Variants in FHDC1 observed in about 807,000 individuals in gnomAD.
The protein encoded by FHDC1 is FH2 domain-containing protein 1.
Under a neutral mutation model 52.6 loss-of-function variants are expected in FHDC1, and 25 were observed. The observed-to-expected ratio is 0.48, with a 90% CI of 0.35 to 0.66. The LOEUF (loss-of-function observed/expected upper bound fraction) is 0.66. Among genes scored for constraint, FHDC1 ranks in the 30% least tolerant of loss-of-function variants. FHDC1 has a pLI of 0.01. For synonymous variants in FHDC1, 616 were observed against 581.5 expected (o/e 1.06, Z -0.85); for missense variants, 1,459 against 1,452.8 (o/e 1.00, Z -0.07).
Position 152,956,631 on chromosome 4 carries a change from A to G in FHDC1, c.663+2312A>G, listed in dbSNP as rs1478419185. Among the ~76,000 whole-genome samples, 3 of 152,152 alleles carry G rather than the reference A, an allele frequency of 2.0e-5. No homozygotes were observed. The East Asian group carries it at 5.8e-4, about 29-fold the overall frequency. On this transcript the variant is annotated intron_variant, in intron 4 of 11. Transcript: ENST00000511601. ...TGCCTTGAATCCCCGAGACTCTGTC[A>G]CCCCCAGTTAGCTAACCCGGGAGAT...
chr4:152,925,944 A>C, the FHDC1 span, among the ~76,000 whole-genome samples: 4 of 152,188 alleles, frequency 2.6e-5, no homozygotes, highest in South Asian at 8.3e-4. Flanking sequence ...AACATAATAC[A>C]AAAGCAAGGA....
chr4:152,974,633 C>T, intron 11 of FHDC1, 42 bp from the exon 12 acceptor site: 1 of 1,498,148 alleles, frequency 6.7e-7, no homozygotes, highest in South Asian at 1.4e-5. Flanking sequence ...CACATTGGTC[C>T]CACATGTCTC....
chr4:152,963,708 C>G (rs181832815), intron 8 of FHDC1, among the ~76,000 whole-genome samples: 5 of 146,744 alleles, frequency 3.4e-5, no homozygotes, highest in East Asian at 2.1e-4. Context: ...CTCCGTGAAC[C>G]ATGCATTTGA....
chr4:152,949,084 G>A (rs2149941922), intron 2 of FHDC1, among the ~76,000 whole-genome samples: 1 of 138,330 alleles, frequency 7.2e-6, no homozygotes, highest in South Asian at 2.3e-4. Flanking sequence ...GCAAAACCTT[G>A]TCTCAGTAAT....
At chr4:152,944,911 C>T (rs1440008927) in intron 2 of FHDC1, among the ~76,000 whole-genome samples, 2 of 152,190 alleles carry the variant, frequency 1.3e-5, no homozygotes, top group Non-Finnish European at 2.9e-5. Context: ...CAGCTCCCAA[C>T]AGAGGTTCTT....
chr4:152,914,244 C>A, the FHDC1 span, among the ~76,000 whole-genome samples: 1 of 152,134 alleles, frequency 6.6e-6, no homozygotes, highest in African/African-American at 2.4e-5. Context: ...GTTCTATGTT[C>A]CCACTTGAAG....
At chr4:152,927,335 A>C in the FHDC1 span, 1 of 687,682 alleles carries the variant, frequency 1.5e-6, no homozygotes, top group Non-Finnish European at 2.6e-6. Context: ...ACCTCCACTC[A>C]GAATCCCGTT....
At chr4:152,942,201 A>G (rs1043440122) in intron 1 of FHDC1, among the ~76,000 whole-genome samples, 1 of 152,212 alleles carries the variant, frequency 6.6e-6, no homozygotes, top group African/African-American at 2.4e-5. Flanking sequence ...AGAATCTAAG[A>G]TGATAGAGGT....
At chr4:152,950,206 G>T (rs1739882364) in intron 2 of FHDC1, among the ~76,000 whole-genome samples, 1 of 152,160 alleles carries the variant, frequency 6.6e-6, no homozygotes, top group Non-Finnish European at 1.5e-5. Flanking sequence ...CTTTGTTTCT[G>T]AATGGCCCAG....
At chr4:152,952,065 T>C (rs1008135643) in intron 2 of FHDC1, among the ~76,000 whole-genome samples, 1 of 152,188 alleles carries the variant, frequency 6.6e-6, no homozygotes, top group Non-Finnish European at 1.5e-5. Flanking sequence ...AAGTATCTTA[T>C]CCTTGGTGAA....
the FHDC1 span, chr4:152,927,815 A>G: frequency 4.9e-6 from 7 of 1,435,362 alleles, no homozygotes; most frequent in Non-Finnish European, 6.9e-6. Context: ...GAAGGTTGGA[A>G]TTTCTCAAGA....
At chr4:152,945,328 G>A (rs1739697377) in intron 2 of FHDC1, among the ~76,000 whole-genome samples, 1 of 152,084 alleles carries the variant, frequency 6.6e-6, no homozygotes, top group Admixed American at 6.5e-5. Flanking sequence ...CTCCACCCCT[G>A]CACCCTATGC....
At chr4:152,947,234 A>G (rs1340118472) in intron 2 of FHDC1, among the ~76,000 whole-genome samples, 1 of 151,972 alleles carries the variant, frequency 6.6e-6, no homozygotes, top group Non-Finnish European at 1.5e-5. Context: ...AAAAAAAAGA[A>G]AAAAAGACAT....
Position 152,976,064 on chromosome 4 carries a change from CG to C in FHDC1, c.2778del (p.Ser928ProfsTer120). ...CTGGAGGCGACCAGAGCTGTCATCCCGGGGGCCCTCCCAGAATCCCCCCAGC... is the reference window on the plus strand; with the variant it reads ...CTGGAGGCGACCAGAGCTGTCATCCCGGGGCCCTCCCAGAATCCCCCCAGC... The part of the protein sequence containing the change: ...AGWRRPELSS[R>X]GPSQNPPSST... On this transcript the variant is annotated frameshift_variant, in exon 12 of 12. Transcript: ENST00000511601. LOFTEE classifies it low-confidence loss of function (END_TRUNC). The C allele has an allele frequency of 3.1e-6, 5 of 1,598,850 alleles. No individual in the cohort carries two copies. The highest frequency in any genetic ancestry group is 1.1e-5 in the South Asian group (1 of 88,916).
the FHDC1 span, among the ~76,000 whole-genome samples, chr4:152,916,531 T>C: frequency 6.6e-6 from 1 of 151,702 alleles, no homozygotes; most frequent in East Asian, 1.9e-4. Context: ...TGGGGTTCCA[T>C]AGTACTAGTC....
At chr4:152,942,783 C>G in intron 1 of FHDC1, 145 bp from the exon 2 acceptor site, 1 of 393,618 alleles carries the variant, frequency 2.5e-6, no homozygotes, top group South Asian at 7.6e-5. Context: ...AGCGTTGGGT[C>G]CTTGTAATGC....
the FHDC1 span, among the ~76,000 whole-genome samples, chr4:152,924,361 C>A: frequency 6.6e-6 from 1 of 152,144 alleles, no homozygotes; most frequent in African/African-American, 2.4e-5. Flanking sequence ...CAGGAAACAA[C>A]AGGTACTGGA....
chr4:152,944,163 C>T (rs1350978017), intron 2 of FHDC1, among the ~76,000 whole-genome samples: 1 of 152,084 alleles, frequency 6.6e-6, no homozygotes, highest in Non-Finnish European at 1.5e-5. Flanking sequence ...AAGGATGTTT[C>T]TAGTTAACAC....
At chr4:152,969,440 G>A (rs1032692339) in intron 10 of FHDC1, among the ~76,000 whole-genome samples, 2 of 152,122 alleles carry the variant, frequency 1.3e-5, no homozygotes, top group Admixed American at 6.5e-5. Flanking sequence ...AACAGTAAAC[G>A]AATGCATTAA....
Sources: allele counts gnomAD v4.1 joint callset (sites outside exome capture counted in the v4.1 genomes callset), GRCh38; gene constraint gnomAD v4.1.1; transcripts MANE v1.5; gene names NCBI Gene and HGNC (gene_info 2026-07-23, HGNC 2026-07-21).